MOSMO: variants seen among roughly 807,000 people sequenced by gnomAD.
MOSMO encodes modulator of smoothened protein.
MOSMO carries 5 observed loss-of-function variants against 18.4 expected under a neutral mutation model. The ratio of observed to expected loss-of-function variants is 0.27; its 90% confidence interval spans 0.14 to 0.57. The LOEUF is 0.57. Ranked by LOEUF, MOSMO falls within the 20% of genes least tolerant of loss-of-function variation. The pLI, the probability that MOSMO is intolerant of heterozygous loss-of-function variation, is 0.92. For missense variants in MOSMO, 138 were observed against 211.8 expected, an observed-to-expected ratio of 0.65 and a Z score of 2.16; for synonymous variants, 82 against 82.3, an observed-to-expected ratio of 1.00 and a Z score of 0.02.
intron 1 of MOSMO, among the ~76,000 whole-genome samples, chr16:22,008,987 C>T (rs1899457493): frequency 2.0e-5 from 3 of 152,020 alleles, no homozygotes; most frequent in Non-Finnish European, 4.4e-5. Flanking sequence ...CTGACCCCAC[C>T]AGGCAGGGTG....
intron 1 of MOSMO, among the ~76,000 whole-genome samples, chr16:22,009,796 T>G (rs1899480970): frequency 2.9e-5 from 1 of 34,006 alleles, no homozygotes; most frequent in Non-Finnish European, 5.0e-5. Flanking sequence ...CCGTCTCTAC[T>G]AAAAATACAA....
chr16:22,089,931 G>T (rs1431753819), downstream of MOSMO: 2 of 151,568 alleles, frequency 1.3e-5, no homozygotes, highest in East Asian at 3.9e-4. Context: ...CTCCCCTTTG[G>T]CTTTCCTGAG....
At chr16:22,032,747 C>G (rs114218622) in intron 1 of MOSMO, among the ~76,000 whole-genome samples, 4,370 of 152,114 alleles carry the variant, frequency 0.029, 191 homozygotes, top group African/African-American at 0.098. Flanking sequence ...GGGGTCTTGC[C>G]ATCTTGCCCA....
intron 1 of MOSMO, among the ~76,000 whole-genome samples, chr16:22,054,671 A>G (rs1302930582): frequency 6.6e-6 from 1 of 152,208 alleles, no homozygotes; most frequent in Non-Finnish European, 1.5e-5. Flanking sequence ...CTTATATTAG[A>G]GCAATGCTGA....
chr16:22,026,215 C>CTTTTT (rs1230886620), intron 1 of MOSMO, among the ~76,000 whole-genome samples: 2 of 122,144 alleles, frequency 1.6e-5, no homozygotes, highest in Non-Finnish European at 1.8e-5. Flanking sequence ...GAATTGCATT[C>CTTTTT]TTTTTTTTTT....
At chr16:22,057,476 G>A (rs990506438) in intron 1 of MOSMO, among the ~76,000 whole-genome samples, 2 of 152,232 alleles carry the variant, frequency 1.3e-5, no homozygotes, top group African/African-American at 4.8e-5. Flanking sequence ...TTGCATTGCC[G>A]ATTGTTTCCA....
intron 1 of MOSMO, among the ~76,000 whole-genome samples, chr16:22,023,961 G>T (rs964570518): frequency 9.5e-5 from 13 of 136,990 alleles, no homozygotes; most frequent in African/African-American, 4.1e-4. Context: ...TGGTATTCTT[G>T]TCATTTTCTC....
At chr16:22,090,268 C>T (rs1234778545), downstream of MOSMO, 2 of 152,252 alleles carry the variant, frequency 1.3e-5, no homozygotes, top group Non-Finnish European at 2.9e-5. Context: ...GAAGACAGTT[C>T]TGTTAACATC....
At chr16:22,087,834 C>T (rs775382423), downstream of MOSMO, among the ~76,000 whole-genome samples, 3 of 152,000 alleles carry the variant, frequency 2.0e-5, no homozygotes, top group East Asian at 1.9e-4. Context: ...GACCTTGAGC[C>T]GGGACACAAA....
At chr16:22,029,541 A>G (rs1250355902) in intron 1 of MOSMO, among the ~76,000 whole-genome samples, 1 of 152,224 alleles carries the variant, frequency 6.6e-6, no homozygotes, top group African/African-American at 2.4e-5. Context: ...TACACACTTA[A>G]GTCTGCTAGA....
At chr16:22,047,298 G>A (rs1263441401) in intron 1 of MOSMO, among the ~76,000 whole-genome samples, 2 of 142,900 alleles carry the variant, frequency 1.4e-5, no homozygotes, top group Non-Finnish European at 3.0e-5. Flanking sequence ...AGGCTGGAGT[G>A]CAGTGGCACA....
rs1035556386 is a variant in MOSMO, at chr16:22,052,971, T to C, written c.107-22516T>C. 2.0e-4 allele frequency among the ~76,000 whole-genome samples: 30 copies of C among 149,544 alleles called. No homozygotes were observed. In the East Asian group the frequency reaches 5.8e-3, roughly 29 times the overall value. The stretch of plus-strand genomic sequence containing the variant: ...ATCTTCTTTTTTTTTTTTTTTTTTT[T>C]TGAGACGGAGTCTCACTCTGTTGCC... On this transcript the variant is annotated intron_variant, in intron 1 of 2. Coordinates refer to ENST00000542527, the MANE Select transcript of MOSMO (RefSeq NM_001164579.2).
At chr16:22,045,291 A>C (rs969859372) in intron 1 of MOSMO, among the ~76,000 whole-genome samples, 1 of 152,128 alleles carries the variant, frequency 6.6e-6, no homozygotes, top group African/African-American at 2.4e-5. Context: ...TAGTTAATTC[A>C]TAGTGTAAAG....
chr16:22,031,367 T>G (rs1899990198), intron 1 of MOSMO, among the ~76,000 whole-genome samples: 1 of 152,168 alleles, frequency 6.6e-6, no homozygotes, highest in Admixed American at 6.5e-5. Context: ...TAAAACAGAT[T>G]TATTGAGGTA....
intron 1 of MOSMO, among the ~76,000 whole-genome samples, chr16:22,020,245 A>G (rs975561944): frequency 6.8e-6 from 1 of 147,438 alleles, no homozygotes; most frequent in East Asian, 2.0e-4. Flanking sequence ...GTTGGTTTTT[A>G]TTTAGAAAAT....
chr16:22,035,783 A>G lies in MOSMO; in HGVS notation c.106+27376A>G, dbSNP rs549102712. Among the ~76,000 whole-genome samples, 3 of 152,272 alleles carry G rather than the reference A, an allele frequency of 2.0e-5. No homozygotes were observed. The East Asian group carries it at 5.8e-4, about 29-fold the overall frequency. On this transcript the variant is annotated intron_variant, in intron 1 of 2. Transcript: ENST00000542527. Reference sequence around the variant, plus strand: ...GGATGACAACTTGTAACCTCCTTACATGCCTGACTGGAAATCGGAAGTTAC... The same window carrying G: ...GGATGACAACTTGTAACCTCCTTACGTGCCTGACTGGAAATCGGAAGTTAC...
At chr16:22,063,593 A>G (rs1484027224) in intron 1 of MOSMO, among the ~76,000 whole-genome samples, 1 of 152,184 alleles carries the variant, frequency 6.6e-6, no homozygotes. Context: ...TCTTCAGACA[A>G]AGATATTGGG....
intron 1 of MOSMO, among the ~76,000 whole-genome samples, chr16:22,046,189 A>G (rs1010006233): frequency 6.6e-6 from 1 of 152,150 alleles, no homozygotes; most frequent in Non-Finnish European, 1.5e-5. Context: ...TTCAACCCCT[A>G]TTAATGGCTT....
intron 1 of MOSMO, among the ~76,000 whole-genome samples, chr16:22,017,223 T>A (rs1899658502): frequency 6.6e-6 from 1 of 152,222 alleles, no homozygotes; most frequent in Non-Finnish European, 1.5e-5. Flanking sequence ...CATTGAATTA[T>A]AAATAAGAAC....
Sources: allele counts gnomAD v4.1 joint callset (sites outside exome capture counted in the v4.1 genomes callset), GRCh38; gene constraint gnomAD v4.1.1; transcripts MANE v1.5; gene names NCBI Gene and HGNC (gene_info 2026-07-23, HGNC 2026-07-21).